Variants in TTC7B observed in about 807,000 individuals in gnomAD.
The protein encoded by TTC7B is tetratricopeptide repeat protein 7B.
Under a neutral mutation model 106.8 loss-of-function variants are expected in TTC7B, and 28 were observed. The ratio of observed to expected loss-of-function variants is 0.26; its 90% CI spans 0.19 to 0.36. The LOEUF is 0.36. TTC7B is among the 10% of genes least tolerant of loss of function. The probability of loss-of-function intolerance (pLI) is 1.00; values close to 1 mark genes in which losing one functional copy is unlikely to be tolerated. For synonymous variants in TTC7B, 405 were observed against 430.6 expected, an observed-to-expected ratio of 0.94 and a Z score of 0.74; for missense variants, 862 against 1,076.4, an observed-to-expected ratio of 0.80 and a Z score of 2.79.
At chr14:90,711,907 A>C (rs1303384858) in intron 5 of TTC7B, among the ~76,000 whole-genome samples, 2 of 152,232 alleles carry the variant, frequency 1.3e-5, no homozygotes, top group Non-Finnish European at 2.9e-5. Context: ...AATCATATCA[A>C]TAGTTACATT....
chr14:90,662,072 C>G (rs919475543), intron 9 of TTC7B, among the ~76,000 whole-genome samples: 46 of 152,286 alleles, frequency 3.0e-4, no homozygotes, highest in African/African-American at 1.0e-3. Context: ...TAGTTGAAGC[C>G]CTCAAAGGAG....
chr14:90,798,113 G>A (rs747271968), intron 1 of TTC7B, among the ~76,000 whole-genome samples: 3 of 152,294 alleles, frequency 2.0e-5, no homozygotes, highest in Non-Finnish European at 4.4e-5. Context: ...TGACCGCCAC[G>A]AGAACGTGCC....
At chr14:90,661,621 T>C (rs1595257565) in intron 9 of TTC7B, among the ~76,000 whole-genome samples, 1 of 152,100 alleles carries the variant, frequency 6.6e-6, no homozygotes, top group South Asian at 2.1e-4. Flanking sequence ...TGTGGAGAGA[T>C]GGTAGATAAT....
At chr14:90,688,748 C>T (rs916376648) in intron 7 of TTC7B, among the ~76,000 whole-genome samples, 1 of 151,146 alleles carries the variant, frequency 6.6e-6, no homozygotes, top group African/African-American at 2.4e-5. Context: ...GCAGAGGTTG[C>T]AGATTGCGCC....
intron 2 of TTC7B, among the ~76,000 whole-genome samples, chr14:90,785,046 A>G (rs1329575711): frequency 2.0e-5 from 3 of 152,180 alleles, no homozygotes; most frequent in Admixed American, 6.5e-5. Flanking sequence ...TCAAATTGAA[A>G]GCTCACAGGC....
intron 19 of TTC7B, among the ~76,000 whole-genome samples, chr14:90,542,129 C>T (rs1184265517): frequency 2.6e-5 from 4 of 152,154 alleles, no homozygotes; most frequent in Non-Finnish European, 5.9e-5. Context: ...TTAGTAGAGA[C>T]AGGGTTTCAC....
Position 90,804,195 on chromosome 14 carries a change from C to T in TTC7B, c.121+11980G>A, listed in dbSNP as rs373893110. 6.0e-4 allele frequency among the ~76,000 whole-genome samples: 91 copies of T among 152,044 alleles called. 1 individual carries two copies. Among genetic ancestry groups the T allele is most frequent in the Middle Eastern group, 3.4e-3 (1 of 294 alleles). ...CTAAAAATACAAAAAATTAGCCGGG[C>T]GTGGTGGGGGCGCCTGTAGTCCCAG... On this transcript the variant is annotated intron_variant, in intron 1 of 19. Transcript: ENST00000328459.
chr14:90,553,566 C>T (rs542627693), intron 19 of TTC7B, among the ~76,000 whole-genome samples: 1 of 152,270 alleles, frequency 6.6e-6, no homozygotes, highest in East Asian at 1.9e-4. Context: ...AATGTGGAGC[C>T]CTCATTGTCC....
At chr14:90,774,477 C>G (rs1025836616) in intron 3 of TTC7B, among the ~76,000 whole-genome samples, 1 of 152,204 alleles carries the variant, frequency 6.6e-6, no homozygotes, top group Non-Finnish European at 1.5e-5. Flanking sequence ...GAGCTTAGGC[C>G]CTGCCCTCAG....
At chr14:90,565,062 C>T (rs1890731980) in intron 19 of TTC7B, among the ~76,000 whole-genome samples, 1 of 152,226 alleles carries the variant, frequency 6.6e-6, no homozygotes, top group African/African-American at 2.4e-5. Flanking sequence ...CATGAACTAA[C>T]GTCTGCTAGC....
intron 11 of TTC7B, among the ~76,000 whole-genome samples, chr14:90,656,918 T>C (rs1885968697): frequency 6.6e-6 from 1 of 152,218 alleles, no homozygotes; most frequent in South Asian, 2.1e-4. Flanking sequence ...TTCTGTCTTA[T>C]TATCATTATT....
intron 9 of TTC7B, among the ~76,000 whole-genome samples, chr14:90,667,594 A>G (rs540641921): frequency 1.3e-5 from 2 of 152,330 alleles, no homozygotes; most frequent in Admixed American, 1.3e-4. Flanking sequence ...TTTGAGTTTC[A>G]TTGATTAAAA....
At chr14:90,754,293 C>G (rs1890220804) in intron 3 of TTC7B, among the ~76,000 whole-genome samples, 1 of 152,182 alleles carries the variant, frequency 6.6e-6, no homozygotes, top group African/African-American at 2.4e-5. Flanking sequence ...ACACTCTCGT[C>G]TCTATGATGT....
intron 11 of TTC7B, among the ~76,000 whole-genome samples, chr14:90,655,493 G>A (rs954461440): frequency 6.6e-6 from 1 of 152,122 alleles, no homozygotes; most frequent in Non-Finnish European, 1.5e-5. Context: ...TTTTATGTTT[G>A]AGCCTTTCTT....
intron 19 of TTC7B, among the ~76,000 whole-genome samples, chr14:90,550,256 G>A (rs1890020415): frequency 6.6e-6 from 1 of 152,196 alleles, no homozygotes; most frequent in Non-Finnish European, 1.5e-5. Context: ...TTTAGTAAGA[G>A]GCTGAGCACT....
At chr14:90,670,337 T>C (rs1021274436) in intron 9 of TTC7B, among the ~76,000 whole-genome samples, 1 of 152,190 alleles carries the variant, frequency 6.6e-6, no homozygotes, top group East Asian at 1.9e-4. Context: ...TAGAGTTTAC[T>C]AGGGTATCGG....
chr14:90,722,183 T>A (rs767724963), intron 5 of TTC7B, among the ~76,000 whole-genome samples: 3 of 152,198 alleles, frequency 2.0e-5, no homozygotes, highest in Non-Finnish European at 4.4e-5. Flanking sequence ...TATCTCACGC[T>A]ACTCCATCAA....
At chr14:90,580,788 G>C (rs548392041) in intron 18 of TTC7B, among the ~76,000 whole-genome samples, 12 of 152,350 alleles carry the variant, frequency 7.9e-5, no homozygotes, top group African/African-American at 2.6e-4. Flanking sequence ...TGCAGCTCCT[G>C]ATAGCCAGGT....
chr14:90,716,742 G>T (rs1022395834), intron 5 of TTC7B, among the ~76,000 whole-genome samples: 1 of 152,174 alleles, frequency 6.6e-6, no homozygotes, highest in African/African-American at 2.4e-5. Flanking sequence ...AAAAAATATA[G>T]CTTTAGATTC....
Sources: gnomAD v4.1 joint callset for allele counts (sites outside exome capture counted in the v4.1 genomes callset) on GRCh38, gnomAD v4.1.1 for gene constraint, MANE v1.5 for transcripts, NCBI Gene and HGNC (gene_info 2026-07-23, HGNC 2026-07-21) for gene names.